Variants in HIVEP3 observed in about 807,000 individuals in gnomAD.
HIVEP3 encodes HIVEP zinc finger 3.
Under a neutral mutation model 152.8 loss-of-function variants are expected in HIVEP3, and 49 were observed. That is an observed-to-expected ratio of 0.32 (90% CI 0.26 to 0.41). The LOEUF (loss-of-function observed/expected upper bound fraction) is 0.41, where lower values mean the gene tolerates loss of function less well. Ranked by LOEUF, HIVEP3 falls within the 10% of genes least tolerant of loss-of-function variation. The probability of loss-of-function intolerance (pLI) is 1.00; values close to 1 mark genes in which losing one functional copy is unlikely to be tolerated. For synonymous variants in HIVEP3, 1,269 were observed against 1,289.0 expected, an observed-to-expected ratio of 0.98 and a Z score of 0.33; for missense variants, 2,790 against 3,103.3, an observed-to-expected ratio of 0.90 and a Z score of 2.40.
At chr1:41,724,472 A>G (rs1368731729) in intron 1 of HIVEP3, among the ~76,000 whole-genome samples, 1 of 152,252 alleles carries the variant, frequency 6.6e-6, no homozygotes, top group Non-Finnish European at 1.5e-5. Context: ...ACAGAAGGCC[A>G]TTCTCCAGAT....
intron 3 of HIVEP3, among the ~76,000 whole-genome samples, chr1:41,615,935 A>G (rs937271190): frequency 4.0e-5 from 6 of 148,758 alleles, no homozygotes; most frequent in African/African-American, 1.5e-4. Flanking sequence ...TATTTGTTAA[A>G]TATATTAATA....
At chr1:41,844,978 C>G (rs1409762164) in intron 1 of HIVEP3, among the ~76,000 whole-genome samples, 1 of 152,212 alleles carries the variant, frequency 6.6e-6, no homozygotes, top group South Asian at 2.1e-4. Context: ...CTTCAGGGCT[C>G]AAGCTTCTGC....
At chr1:41,935,837 G>A (rs569598789) in intron 1 of HIVEP3, among the ~76,000 whole-genome samples, 42 of 150,728 alleles carry the variant, frequency 2.8e-4, no homozygotes, top group African/African-American at 9.7e-4. Flanking sequence ...CATCTCTAAT[G>A]AGGAAACATA....
chr1:41,975,156 C>T (rs1645252692), intron 1 of HIVEP3, among the ~76,000 whole-genome samples: 1 of 152,174 alleles, frequency 6.6e-6, no homozygotes, highest in South Asian at 2.1e-4. Flanking sequence ...TCCAAGCTTC[C>T]AAGCCTCCTG....
intron 4 of HIVEP3, among the ~76,000 whole-genome samples, chr1:41,578,984 T>C (rs1644362035): frequency 6.6e-6 from 1 of 152,222 alleles, no homozygotes; most frequent in African/African-American, 2.4e-5. Flanking sequence ...GTGGCTTTTG[T>C]CTGACATTTG....
At position 41,549,127 on chromosome 1, in the gene HIVEP3, C is replaced by T. The variant is rs545220866; in HGVS notation, c.5208-24217G>A. On this transcript the variant is annotated intron_variant, in intron 5 of 8. Coordinates refer to ENST00000372583, the MANE Select transcript of HIVEP3 (RefSeq NM_024503.5). Reference sequence around the variant, plus strand: ...CTATGAGTGAGAACATGCGGTATTTCGTTCTCTGTCCTTGTGATAGTTTGC... The same window carrying T: ...CTATGAGTGAGAACATGCGGTATTTTGTTCTCTGTCCTTGTGATAGTTTGC... Among the ~76,000 whole-genome samples, 46 of 149,644 alleles carry T rather than the reference C, an allele frequency of 3.1e-4. 1 individual carries two copies. Among genetic ancestry groups the T allele is most frequent in the Non-Finnish European group, 5.9e-4 (40 of 67,592 alleles).
At chr1:41,913,232 G>A (rs1644823463) in intron 1 of HIVEP3, among the ~76,000 whole-genome samples, 1 of 152,260 alleles carries the variant, frequency 6.6e-6, no homozygotes, top group African/African-American at 2.4e-5. Context: ...AGGAAGTCAA[G>A]AGCCTATGCA....
chr1:42,025,363 T>A (rs1295835346), intron 1 of HIVEP3, among the ~76,000 whole-genome samples: 1 of 152,248 alleles, frequency 6.6e-6, no homozygotes, highest in African/African-American at 2.4e-5. Context: ...CTGTTTAACC[T>A]TCTTAAAATC....
At chr1:41,619,082 AG>A (rs1228884752) in intron 3 of HIVEP3, among the ~76,000 whole-genome samples, 1 of 138,064 alleles carries the variant, frequency 7.2e-6, no homozygotes, top group African/African-American at 2.8e-5. Flanking sequence ...CAGGCCTCCC[AG>A]GGCTTCTGGA....
chr1:41,658,798 G>A (rs1645668616), intron 2 of HIVEP3, among the ~76,000 whole-genome samples: 1 of 152,194 alleles, frequency 6.6e-6, no homozygotes, highest in Non-Finnish European at 1.5e-5. Context: ...ACAGATGTAT[G>A]ACATCATGGT....
At chr1:41,992,316 A>C (rs348132) in intron 1 of HIVEP3, among the ~76,000 whole-genome samples, 8,404 of 150,732 alleles carry the variant, frequency 0.056, 814 homozygotes, top group African/African-American at 0.2. Context: ...GATACAAAAT[A>C]AATGTACAAA....
intron 1 of HIVEP3, among the ~76,000 whole-genome samples, chr1:41,990,467 T>C (rs1264485660): frequency 2.7e-5 from 4 of 147,816 alleles, no homozygotes; most frequent in Non-Finnish European, 4.5e-5. Flanking sequence ...TAAATATATA[T>C]GCACCCAATA....
At position 41,583,751 on chromosome 1, in the gene HIVEP3, G is replaced by A; in HGVS notation, c.1047C>T (p.Pro349=). The A allele has an allele frequency of 6.3e-7, 1 of 1,596,956 alleles. No homozygotes were observed. The highest frequency in any genetic ancestry group is 1.3e-5 in the African/African-American group (1 of 74,622). ...GGGTGTCTTCAGGTTTATGGCTCAG[G>A]GGGTGCTCAGATGAGGGTTCCACAA... The part of the protein sequence containing the change: ...PPFVEPSSEH[P]LSHKPEDTHT... The change falls in exon 4 of 9, where the codon CCC becomes CCT. Residue 349 remains proline, a synonymous_variant. Coordinates refer to ENST00000372583, the MANE Select transcript of HIVEP3 (RefSeq NM_024503.5). The surrounding 1 kb of genome is among the most constrained non-coding windows in gnomAD (Gnocchi z 6.9).
At chr1:41,665,329 C>T (rs1273104009) in intron 2 of HIVEP3, among the ~76,000 whole-genome samples, 1 of 152,146 alleles carries the variant, frequency 6.6e-6, no homozygotes, top group African/African-American at 2.4e-5. Context: ...ATCTGAAAGG[C>T]AGGTGGTACC....
At chr1:41,846,061 C>A (rs1643435577) in intron 1 of HIVEP3, among the ~76,000 whole-genome samples, 1 of 152,160 alleles carries the variant, frequency 6.6e-6, no homozygotes, top group Non-Finnish European at 1.5e-5. Context: ...GAGACTCCAT[C>A]TCAAAAAGAA....
chr1:42,009,651 A>T (rs1645481974), intron 1 of HIVEP3, among the ~76,000 whole-genome samples: 1 of 152,108 alleles, frequency 6.6e-6, no homozygotes, highest in South Asian at 2.1e-4. Flanking sequence ...AGAGTATTGA[A>T]ATTCATCATA....
At chr1:41,967,078 T>G (rs376214514) in intron 1 of HIVEP3, among the ~76,000 whole-genome samples, 10 of 152,228 alleles carry the variant, frequency 6.6e-5, no homozygotes, top group African/African-American at 2.4e-4. Flanking sequence ...ACAAAGAGAC[T>G]TAGACTCCCA....
intron 3 of HIVEP3, among the ~76,000 whole-genome samples, chr1:41,591,719 A>T (rs1644590922): frequency 6.6e-6 from 1 of 152,048 alleles, no homozygotes; most frequent in Non-Finnish European, 1.5e-5. Context: ...AGTGAGGACC[A>T]TGGCAGAGCG....
intron 1 of HIVEP3, among the ~76,000 whole-genome samples, chr1:41,897,957 G>GAGAGAC (rs1557498823): frequency 7.0e-6 from 1 of 142,650 alleles, no homozygotes; most frequent in African/African-American, 2.7e-5. Flanking sequence ...GAGAGAGAGA[G>GAGAGAC]AGAGAGAGAG....
Sources: allele counts gnomAD v4.1 joint callset (sites outside exome capture counted in the v4.1 genomes callset), GRCh38; gene constraint gnomAD v4.1.1; non-coding constraint Gnocchi (gnomAD v3.1); transcripts MANE v1.5; gene names NCBI Gene and HGNC (gene_info 2026-07-23, HGNC 2026-07-21).